IQGAP1: variants seen among roughly 807,000 people sequenced by gnomAD.
The protein encoded by IQGAP1 is ras GTPase-activating-like protein IQGAP1.
In IQGAP1, 66 loss-of-function variants were observed where a neutral mutation model predicts 215.6. The observed-to-expected ratio is 0.31, with a 90% CI of 0.25 to 0.38. The LOEUF is 0.38. Ranked by LOEUF, IQGAP1 falls within the 10% of genes least tolerant of loss-of-function variation. The pLI is 1.00. For missense variants in IQGAP1, 1,712 were observed against 1,997.1 expected, an observed-to-expected ratio of 0.86 and a Z score of 2.72; for synonymous variants, 772 against 728.7, an observed-to-expected ratio of 1.06 and a Z score of -0.96.
chr15:90,392,952 C>T (rs1221034005), intron 2 of IQGAP1, among the ~76,000 whole-genome samples: 1 of 151,828 alleles, frequency 6.6e-6, no homozygotes, highest in Admixed American at 6.6e-5. Context: ...ACCATAATGG[C>T]CAGGCTGGTC....
At chr15:90,389,647 A>C (rs1407016988) in intron 1 of IQGAP1, among the ~76,000 whole-genome samples, 1 of 151,950 alleles carries the variant, frequency 6.6e-6, no homozygotes, top group Non-Finnish European at 1.5e-5. Context: ...AGCCTTGAAG[A>C]ATGCTGTGTA....
At chr15:90,442,972 A>AC (rs1965473070) in intron 8 of IQGAP1, among the ~76,000 whole-genome samples, 2 of 150,644 alleles carry the variant, frequency 1.3e-5, no homozygotes, top group Admixed American at 1.3e-4. Flanking sequence ...ACTCTGTCTC[A>AC]AAAAAAAGAC....
At chr15:90,474,258 A>C in intron 22 of IQGAP1, 125 bp downstream of exon 22, 1 of 893,022 alleles carries the variant, frequency 1.1e-6, no homozygotes, top group Admixed American at 2.7e-5. Flanking sequence ...GTGACCTGTG[A>C]CATAAGCCCC....
At chr15:90,494,880 A>G in intron 36 of IQGAP1, 45 bp downstream of exon 36, 2 of 1,441,238 alleles carry the variant, frequency 1.4e-6, no homozygotes, top group Non-Finnish European at 1.9e-6. Flanking sequence ...TTATTTCTAC[A>G]TTTATCACAT....
chr15:90,457,595 ATTTTTTT>A (rs34550575), intron 15 of IQGAP1, among the ~76,000 whole-genome samples: 2 of 131,374 alleles, frequency 1.5e-5, no homozygotes, highest in African/African-American at 2.9e-5. Flanking sequence ...CCTGGCTAAA[ATTTTTTT>A]TTTTTTTTTT....
intron 28 of IQGAP1, chr15:90,482,659 C>CTT (rs60603100): frequency 4.7e-3 from 3,194 of 680,376 alleles, no homozygotes; most frequent in Middle Eastern, 6.0e-3. Flanking sequence ...CTTCTCTTTT[C>CTT]TTTTTTTTTT....
chr15:90,436,317 A>G lies in IQGAP1; in HGVS notation c.467+2522A>G, dbSNP rs561190375. ...TGCTGCCCCAGGGCTTGCTGGGGAT[A>G]CTTTATGATACCATATACACTGTAA... On this transcript the variant is annotated intron_variant, in intron 5 of 37. Transcript: ENST00000268182. Among the ~76,000 whole-genome samples the G allele has an allele frequency of 2.6e-5, 4 of 152,284 alleles. No homozygotes were observed. In the East Asian group the frequency reaches 7.7e-4, roughly 29 times the overall value.
chr15:90,449,855 G>A (rs1385155733), intron 11 of IQGAP1, among the ~76,000 whole-genome samples: 1 of 152,174 alleles, frequency 6.6e-6, no homozygotes, highest in African/African-American at 2.4e-5. Context: ...GAGGGTACAT[G>A]TGTTTTGTTT....
intron 2 of IQGAP1, among the ~76,000 whole-genome samples, chr15:90,409,235 CT>C (rs138296381): frequency 0.17 from 19,949 of 118,356 alleles, 1,576 homozygotes; most frequent in East Asian, 0.28. Context: ...CCTATATTCA[CT>C]TTTTTTTTTT....
chr15:90,489,033 G>A lies in IQGAP1; in HGVS notation c.4248+1451G>A, dbSNP rs144239282. ...GAGCAGATGTAGTTGAGTCATATAG[G>A]TGTGTGATAAGGTCCAGTGGGGTGG... is the stretch of plus-strand genomic sequence containing the variant. On this transcript the variant is annotated intron_variant, in intron 33 of 37. Transcript: ENST00000268182. 8.6e-3 allele frequency among the ~76,000 whole-genome samples: 1,309 copies of A among 152,146 alleles called. 17 individuals are homozygous for A. Among genetic ancestry groups the A allele is most frequent in the African/African-American group, 0.03 (1,246 of 41,490 alleles).
At chr15:90,427,305 C>A (rs1965237216) in intron 3 of IQGAP1, among the ~76,000 whole-genome samples, 2 of 152,088 alleles carry the variant, frequency 1.3e-5, no homozygotes, top group African/African-American at 2.4e-5. Context: ...AAAGTAACTT[C>A]ATGAAAAAAC....
chr15:90,446,189 AG>A (rs1360212501), intron 9 of IQGAP1, among the ~76,000 whole-genome samples: 1 of 152,120 alleles, frequency 6.6e-6, no homozygotes, highest in East Asian at 1.9e-4. Context: ...TGTTTTACTG[AG>A]GGATTTTTCT....
At position 90,440,524 on chromosome 15, in the gene IQGAP1, G is replaced by A. The variant is rs754970588; in HGVS notation, c.558G>A (p.Lys186=). Residue 186 remains lysine, a synonymous_variant, in exon 7 of 38, where the codon AAG becomes AAA. Transcript: ENST00000268182. ...TAGAAGAAGAAATCAACAACATGAA[G>A]ACTGAGTTGGAGAAGTATGGCATCC... is the stretch of plus-strand genomic sequence containing the variant. ...DFTEEEINNM[K]TELEKYGIQM... 1.9e-6 allele frequency: 3 copies of A among 1,565,752 alleles called. No individual in the cohort carries two copies. The highest frequency in any genetic ancestry group is 2.6e-6 in the Non-Finnish European group (3 of 1,153,448).
intron 18 of IQGAP1, among the ~76,000 whole-genome samples, chr15:90,471,674 AT>A (rs1965907157): frequency 6.6e-6 from 1 of 150,826 alleles, no homozygotes; most frequent in Non-Finnish European, 1.5e-5. Context: ...TAATTTTTGT[AT>A]TTTTAGTAGA....
At chr15:90,469,981 C>T (rs181647481) in intron 18 of IQGAP1, among the ~76,000 whole-genome samples, 1 of 151,726 alleles carries the variant, frequency 6.6e-6, no homozygotes, top group African/African-American at 2.4e-5. Flanking sequence ...CAGGGTACAA[C>T]TTCTAGCAGA....
intron 14 of IQGAP1, among the ~76,000 whole-genome samples, chr15:90,455,813 C>T (rs1022489217): frequency 2.6e-5 from 4 of 152,146 alleles, no homozygotes; most frequent in Admixed American, 2.0e-4. Context: ...TTCGTGAATC[C>T]TTTGTGACTC....
intron 15 of IQGAP1, among the ~76,000 whole-genome samples, chr15:90,457,788 T>C (rs757989047): frequency 1.3e-5 from 2 of 152,236 alleles, no homozygotes; most frequent in South Asian, 2.1e-4. Context: ...TAAAAACATA[T>C]ATGTGCATTT....
chr15:90,454,402 T>C lies in IQGAP1; in HGVS notation c.1488-26T>C, dbSNP rs182086189. ...TATTTAAACATGCTGTGCTTAATGC[T>C]CTTTTTACTTGGGGGTCTGGGGCAG... On this transcript the variant is annotated intron_variant, in intron 13 of 37. Coordinates refer to ENST00000268182, the MANE Select transcript of IQGAP1 (RefSeq NM_003870.4). The C allele has an allele frequency of 1.8e-5, 29 of 1,613,172 alleles. No individual in the cohort carries two copies. The East Asian group carries it at 5.6e-4, about 31-fold the overall frequency.
chr15:90,415,717 A>G lies in IQGAP1; in HGVS notation c.156-10393A>G, dbSNP rs1334129808. Reference sequence around the variant, plus strand: ...CAAATGGGGTCAATTCTACCTTTGTAATTGTTAATCATTCTCTTTCCACCA... The same window carrying G: ...CAAATGGGGTCAATTCTACCTTTGTGATTGTTAATCATTCTCTTTCCACCA... On this transcript the variant is annotated intron_variant, in intron 2 of 37. Coordinates refer to ENST00000268182, the MANE Select transcript of IQGAP1 (RefSeq NM_003870.4). Among the ~76,000 whole-genome samples the G allele has an allele frequency of 3.3e-5, 5 of 152,252 alleles. No individual in the cohort carries two copies. The East Asian group carries it at 9.7e-4, about 29-fold the overall frequency.
Sources: allele counts gnomAD v4.1 joint callset (sites outside exome capture counted in the v4.1 genomes callset), GRCh38; gene constraint gnomAD v4.1.1; transcripts MANE v1.5; gene names NCBI Gene and HGNC (gene_info 2026-07-23, HGNC 2026-07-21).